Variants in DACH2 observed in about 807,000 individuals in gnomAD.
DACH2 encodes the protein dachshund homolog 2.
Under a neutral mutation model 35.8 loss-of-function variants are expected in DACH2, and 17 were observed. The observed-to-expected ratio is 0.48, with a 90% confidence interval of 0.33 to 0.71. The LOEUF is 0.71. DACH2 is among the 30% of genes least tolerant of loss of function. The pLI is 0.02. For synonymous variants in DACH2, 195 were observed against 177.3 expected (o/e 1.10, Z -0.79); for missense variants, 469 against 472.7 (o/e 0.99, Z 0.07).
intron 1 of DACH2, among the ~76,000 whole-genome samples, chrX:86,290,738 T>C (rs1175868402): frequency 3.4e-4 from 33 of 96,845 alleles, no homozygotes; most frequent in Admixed American, 7.1e-4. Context: ...GTTGTAGATA[T>C]GCAGCATTAT....
intron 1 of DACH2, among the ~76,000 whole-genome samples, chrX:86,299,934 A>G (rs1185417940): frequency 8.9e-6 from 1 of 111,738 alleles, no homozygotes; most frequent in Non-Finnish European, 1.9e-5. Flanking sequence ...ATATTTGTAC[A>G]TATTTATGGG....
At chrX:86,292,193 A>G (rs2034315666) in intron 1 of DACH2, among the ~76,000 whole-genome samples, 1 of 84,674 alleles carries the variant, frequency 1.2e-5, no homozygotes, top group Non-Finnish European at 2.2e-5. Flanking sequence ...TTTCTTCTAG[A>G]TTTTCTAGTT....
intron 4 of DACH2, among the ~76,000 whole-genome samples, chrX:86,665,690 T>G (rs2040659596): frequency 9.0e-6 from 1 of 111,653 alleles, no homozygotes; most frequent in Non-Finnish European, 1.9e-5. Context: ...TTGTATCATC[T>G]ATATTTTGGA....
chrX:86,739,381 C>T (rs1270864292), intron 6 of DACH2, among the ~76,000 whole-genome samples: 2 of 111,309 alleles, frequency 1.8e-5, no homozygotes, highest in Non-Finnish European at 3.8e-5. Flanking sequence ...ATAGGAGTAT[C>T]ACACTCCAGG....
chrX:86,590,539 T>G (rs1299535471), intron 3 of DACH2, among the ~76,000 whole-genome samples: 6 of 111,939 alleles, frequency 5.4e-5, no homozygotes, highest in Non-Finnish European at 1.9e-5. Flanking sequence ...TTTATGGAGG[T>G]ATATATGTGG....
At chrX:86,331,042 T>C (rs969594485) in intron 1 of DACH2, among the ~76,000 whole-genome samples, 1 of 111,679 alleles carries the variant, frequency 9.0e-6, no homozygotes, top group African/African-American at 3.2e-5. Flanking sequence ...AAGGAGTATA[T>C]TTTTCACTAG....
chrX:86,198,388 C>T (rs2032051745), intron 1 of DACH2, among the ~76,000 whole-genome samples: 1 of 110,956 alleles, frequency 9.0e-6, no homozygotes, highest in Non-Finnish European at 1.9e-5. Context: ...GCCCAGAAAA[C>T]CAAATGTAGC....
intron 2 of DACH2, among the ~76,000 whole-genome samples, chrX:86,400,893 C>T (rs776940001): frequency 1.3e-3 from 142 of 112,258 alleles, no homozygotes; most frequent in Non-Finnish European, 1.9e-3. Flanking sequence ...AGAAGCACTA[C>T]TCTCTTCAAA....
chrX:86,675,724 G>T (rs1425008836), intron 4 of DACH2, among the ~76,000 whole-genome samples: 1 of 108,357 alleles, frequency 9.2e-6, no homozygotes, highest in Non-Finnish European at 1.9e-5. Flanking sequence ...TTAAAACTTG[G>T]TGCTATGAGT....
intron 7 of DACH2, among the ~76,000 whole-genome samples, chrX:86,810,990 A>C (rs1031625806): frequency 8.9e-6 from 1 of 112,217 alleles, no homozygotes; most frequent in Non-Finnish European, 1.9e-5. Flanking sequence ...TATTGTTTTC[A>C]AAGCTTTACT....
At chrX:86,313,384 G>A (rs1467513742) in intron 1 of DACH2, among the ~76,000 whole-genome samples, 1 of 111,632 alleles carries the variant, frequency 9.0e-6, no homozygotes, top group Non-Finnish European at 1.9e-5. Flanking sequence ...CATATTCAAA[G>A]TAAATGAAAC....
intron 6 of DACH2, among the ~76,000 whole-genome samples, chrX:86,726,032 G>T (rs1204691436): frequency 9.0e-6 from 1 of 111,461 alleles, no homozygotes; most frequent in Non-Finnish European, 1.9e-5. Context: ...GACTTCAGGT[G>T]CTGGCTGTGA....
At chrX:86,612,258 C>T (rs982336041) in intron 3 of DACH2, among the ~76,000 whole-genome samples, 3 of 106,530 alleles carry the variant, frequency 2.8e-5, no homozygotes, top group Non-Finnish European at 3.8e-5. Context: ...TTTTACTCTT[C>T]TCTCTCCTCT....
intron 1 of DACH2, among the ~76,000 whole-genome samples, chrX:86,336,552 T>A (rs2035314308): frequency 9.0e-6 from 1 of 111,326 alleles, no homozygotes; most frequent in African/African-American, 3.3e-5. Flanking sequence ...GCATATCCAC[T>A]CAGAGACCCC....
At chrX:86,478,694 C>A (rs1221962958) in intron 2 of DACH2, among the ~76,000 whole-genome samples, 1 of 109,294 alleles carries the variant, frequency 9.1e-6, no homozygotes, top group Non-Finnish European at 1.9e-5. Flanking sequence ...TGTCTTGCTT[C>A]TTTGATGCCC....
At chrX:86,366,676 G>C (rs1006159980) in intron 1 of DACH2, among the ~76,000 whole-genome samples, 1 of 110,922 alleles carries the variant, frequency 9.0e-6, no homozygotes, top group Admixed American at 9.7e-5. Flanking sequence ...CTGGAGGGGG[G>C]TCCTGGTGGG....
chrX:86,589,521 C>T (rs1466230959), intron 3 of DACH2, among the ~76,000 whole-genome samples: 1 of 111,412 alleles, frequency 9.0e-6, no homozygotes, highest in Non-Finnish European at 1.9e-5. Flanking sequence ...TAGTGTAGCG[C>T]ATTTGGCATA....
In DACH2 at chrX:86,820,698, C is replaced by T. The variant is rs2042503027; in HGVS notation, c.1750+4599C>T. 6.3e-5 allele frequency among the ~76,000 whole-genome samples: 7 copies of T among 110,357 alleles called. No individual in the cohort carries two copies. The Admixed American group carries it at 6.8e-4, about 11-fold the overall frequency. The stretch of plus-strand genomic sequence containing the variant: ...TTTAGGGCATAAGTTAATATGCATA[C>T]CTTATGGCGTAGAACATTTAATATA... On this transcript the variant is annotated intron_variant, in intron 11 of 11. Coordinates refer to ENST00000373125, the MANE Select transcript of DACH2 (RefSeq NM_053281.3).
chrX:86,293,968 C>A (rs1471602001), intron 1 of DACH2, among the ~76,000 whole-genome samples: 2 of 111,458 alleles, frequency 1.8e-5, no homozygotes, highest in Non-Finnish European at 3.8e-5. Flanking sequence ...TGAATGTTAG[C>A]CTGCCTTGCT....
Sources: allele counts gnomAD v4.1 joint callset (sites outside exome capture counted in the v4.1 genomes callset), GRCh38; gene constraint gnomAD v4.1.1; transcripts MANE v1.5; gene names NCBI Gene and HGNC (gene_info 2026-07-23, HGNC 2026-07-21).